The following MRC2 variants were observed in gnomAD, a reference collection of about 807,000 sequenced individuals.
MRC2 encodes the protein C-type mannose receptor 2.
MRC2 carries 84 observed loss-of-function variants against 206.2 expected under a neutral mutation model. The observed-to-expected ratio is 0.41, with a 90% CI of 0.34 to 0.49. MRC2 has a LOEUF of 0.49. MRC2 is among the 20% of genes least tolerant of loss of function. The pLI is 0.31. For missense variants in MRC2, 1,676 were observed against 2,001.5 expected, an observed-to-expected ratio of 0.84 and a Z score of 3.10; for synonymous variants, 798 against 800.0, an observed-to-expected ratio of 1.00 and a Z score of 0.04.
In MRC2 at chr17:62,671,770, C is replaced by T. The variant is rs35060355; in HGVS notation, c.1239C>T (p.Gly413=). 2.3e-5 allele frequency: 37 copies of T among 1,612,630 alleles called. No homozygotes were observed. The highest frequency in any genetic ancestry group is 2.8e-5 in the Non-Finnish European group (33 of 1,179,232). ...AGTCCAAGAAGGCATGTCTACGGGGCGGTGGCGACCTGGTCAGCATCCACA... is the reference window on the plus strand; with the variant it reads ...AGTCCAAGAAGGCATGTCTACGGGGTGGTGGCGACCTGGTCAGCATCCACA... ...WQESKKACLR[G]GGDLVSIHSM... Residue 413 remains glycine (G), a synonymous_variant, in exon 7 of 30, where the codon GGC becomes GGT. Coordinates refer to ENST00000303375, the MANE Select transcript of MRC2 (RefSeq NM_006039.5). The surrounding 1 kb of genome is among the most constrained non-coding windows in gnomAD (Gnocchi z 4.5).
chr17:62,666,486 C>T lies in MRC2; in HGVS notation c.726C>T (p.Asp242=). Residue 242 remains aspartate, a synonymous_variant, in exon 4 of 30, where the codon GAC becomes GAT. Transcript: ENST00000303375. This position sits in a 1 kb window ranked among gnomAD's most constrained non-coding sequence, Gnocchi z 5.0. ...ACTGCGAGACCTTCTGGGACAAGGA[C>T]CAGCTGACTGACAGCTGCTACCAGT... ...SNDCETFWDK[D]QLTDSCYQFN... 1.9e-6 allele frequency: 3 copies of T among 1,614,026 alleles called. No homozygotes were observed. The highest frequency in any genetic ancestry group is 2.2e-5 in the South Asian group (2 of 91,078).
intron 20 of MRC2, among the ~76,000 whole-genome samples, chr17:62,682,931 G>A (rs1221805920): frequency 1.3e-5 from 2 of 151,902 alleles, no homozygotes; most frequent in Admixed American, 6.6e-5. Context: ...GTGAGCCACC[G>A]CGCCCGGCCT....
At chr17:62,676,651 G>GC in intron 11 of MRC2, 120 bp downstream of exon 11, 2 of 1,270,492 alleles carry the variant, frequency 1.6e-6, no homozygotes, top group Non-Finnish European at 1.1e-6. Flanking sequence ...CTGTGGTGTA[G>GC]TGTCTATGAG....
Position 62,671,663 on chromosome 17 carries a change from G to A in MRC2, c.1132G>A (p.Val378Met), listed in dbSNP as rs748766648. Residue 378 changes from valine to methionine, a missense_variant, in exon 7 of 30, where the codon GTG (valine) becomes ATG (methionine). Around this residue, in one of 3 missense-constraint regions of MRC2, gnomAD observed 1,354 missense variants for 1,636.6 expected, o/e 0.83. Coordinates refer to ENST00000303375, the MANE Select transcript of MRC2 (RefSeq NM_006039.5). This position sits in a 1 kb window ranked among gnomAD's most constrained non-coding sequence, Gnocchi z 4.5. ...EPTPPDRWANVKVECEPSWQP... is the reference protein window; with the variant it reads ...EPTPPDRWANMKVECEPSWQP... Reference sequence around the variant, plus strand: ...GGTCTCTGCAGACAGGTGGGCCAATGTGAAGGTGGAGTGCGAGCCGAGCTG... The same window carrying A: ...GGTCTCTGCAGACAGGTGGGCCAATATGAAGGTGGAGTGCGAGCCGAGCTG... 1 of 1,589,406 alleles carries A rather than the reference G, an allele frequency of 6.3e-7. No individual in the cohort carries two copies. The highest frequency in any genetic ancestry group is 8.6e-7 in the Non-Finnish European group (1 of 1,166,398).
chr17:62,635,425 C>T (rs1325655943), intron 1 of MRC2, among the ~76,000 whole-genome samples: 1 of 152,066 alleles, frequency 6.6e-6, no homozygotes, highest in Non-Finnish European at 1.5e-5. Flanking sequence ...ATTTAACCTT[C>T]ATTTAGGGAA....
Position 62,676,408 on chromosome 17 carries a change from C to T in MRC2, c.1711C>T (p.Leu571Phe). The T allele has an allele frequency of 1.2e-6, 2 of 1,614,108 alleles. No individual in the cohort carries two copies. Among genetic ancestry groups the T allele is most frequent in the Non-Finnish European group, 8.5e-7 (1 of 1,179,988 alleles). ...GTTCGAGCAGGCCTTCGTCAGCAGC[C>T]TCATCTACAACTGGGAGGGCGAGTA... Reference protein sequence around the residue: ...NRFEQAFVSSLIYNWEGEYFW... With the variant: ...NRFEQAFVSSFIYNWEGEYFW... Residue 571 changes from leucine to phenylalanine, a missense_variant, in exon 11 of 30, where the codon CTC becomes TTC. Leu to Phe is a conservative substitution (Grantham distance 22, BLOSUM62 0). This residue lies in a region of MRC2 where 1,354 missense variants were observed against 1,636.6 expected (regional missense o/e 0.83). Coordinates refer to ENST00000303375, the MANE Select transcript of MRC2 (RefSeq NM_006039.5).
At chr17:62,649,606 C>A (rs1042356404) in intron 1 of MRC2, among the ~76,000 whole-genome samples, 2 of 152,054 alleles carry the variant, frequency 1.3e-5, no homozygotes, top group Non-Finnish European at 2.9e-5. Flanking sequence ...GAGTGCCGTG[C>A]CTTGCTTTTA....
Position 62,692,595 on chromosome 17 carries a change from A to C in MRC2, c.*144A>C. On this transcript the variant is annotated 3_prime_UTR_variant, in exon 30 of 30. Transcript: ENST00000303375. The surrounding 1 kb of genome is among the most constrained non-coding windows in gnomAD (Gnocchi z 4.2). ...GCTGTTGGGAGCCGGAGCTGGGCAG[A>C]GCCTGGGCTGGTGGGGTGCCACCCT... is the stretch of plus-strand genomic sequence containing the variant. 1 of 841,324 alleles carries C rather than the reference A, an allele frequency of 1.2e-6. No homozygotes were observed. Among genetic ancestry groups the C allele is most frequent in the Admixed American group, 2.7e-5 (1 of 37,364 alleles). 52.1% of individuals were successfully genotyped at this position (841,324 alleles called of 1,614,324 possible). A position where few individuals can be genotyped will look rare whatever the true frequency, so the allele number is the denominator to read the frequency against.
intron 1 of MRC2, among the ~76,000 whole-genome samples, chr17:62,655,169 C>G (rs2147453292): frequency 6.6e-6 from 1 of 151,164 alleles, no homozygotes; most frequent in African/African-American, 2.4e-5. Context: ...GCCTGTAGTC[C>G]CAGCTACTCG....
At position 62,674,070 on chromosome 17, in the gene MRC2, G is replaced by A. The variant is rs967399500; in HGVS notation, c.1469G>A (p.Arg490His). The stretch of plus-strand genomic sequence containing the variant: ...CTCACCCTGTGTCCGTAGGAAGGCC[G>A]CTGGAACGACAGTCCCTGTAACCAG... ...DCVTIWGPEGRWNDSPCNQSL... is the reference protein window; with the variant it reads ...DCVTIWGPEGHWNDSPCNQSL... Residue 490 changes from arginine (R) to histidine (H), a missense_variant, in exon 9 of 30, where the codon CGC becomes CAC. Physicochemically the swap from Arg to His is conservative, Grantham distance 29. Coordinates refer to ENST00000303375, the MANE Select transcript of MRC2 (RefSeq NM_006039.5). 9 of 1,550,774 alleles carry A rather than the reference G, an allele frequency of 5.8e-6. No individual in the cohort carries two copies. Among genetic ancestry groups the A allele is most frequent in the African/African-American group, 4.1e-5 (3 of 72,992 alleles).
At chr17:62,660,781 A>C (rs1266065796) in intron 1 of MRC2, among the ~76,000 whole-genome samples, 2 of 152,200 alleles carry the variant, frequency 1.3e-5, no homozygotes, top group Non-Finnish European at 2.9e-5. Flanking sequence ...TTCAGTATAC[A>C]ACAAAAAAGT....
intron 9 of MRC2, 21 bp downstream of exon 9, chr17:62,674,191 G>T (rs1244673957): frequency 6.6e-7 from 1 of 1,524,242 alleles, no homozygotes. Context: ...TTCTGGAGCT[G>T]CCCTGAGTGG....
intron 1 of MRC2, among the ~76,000 whole-genome samples, chr17:62,638,064 T>C (rs1375994893): frequency 1.3e-5 from 2 of 152,176 alleles, no homozygotes; most frequent in African/African-American, 4.8e-5. Flanking sequence ...GGTCTTCCTA[T>C]GTTGCCCAAG....
rs141301262 is a variant in MRC2 at position 62,631,560 on chromosome 17, C to T, written c.118+3640C>T. On this transcript the variant is annotated intron_variant, in intron 1 of 29. Transcript: ENST00000303375. ...GGAAATTCTGCCTTATGTGTTCTCC[C>T]CGCCCCCATAACTCCAAGCCCTCTA... 2.5e-3 allele frequency among the ~76,000 whole-genome samples: 384 copies of T among 152,182 alleles called. 1 individual carries two copies. The highest frequency in any genetic ancestry group is 8.7e-3 in the African/African-American group (363 of 41,492).
At chr17:62,632,610 C>T (rs894040909) in intron 1 of MRC2, among the ~76,000 whole-genome samples, 16 of 152,296 alleles carry the variant, frequency 1.1e-4, no homozygotes, top group African/African-American at 3.8e-4. Flanking sequence ...TGGTGTGCCT[C>T]CCCTCCCCTC....
chr17:62,630,239 G>T (rs554684234), intron 1 of MRC2, among the ~76,000 whole-genome samples: 9 of 152,308 alleles, frequency 5.9e-5, no homozygotes, highest in Non-Finnish European at 8.8e-5. Flanking sequence ...ATGCCTGCCT[G>T]CCCAGACCCA....
chr17:62,655,737 A>AAT (rs2088611580), intron 1 of MRC2, among the ~76,000 whole-genome samples: 1 of 151,080 alleles, frequency 6.6e-6, no homozygotes, highest in Non-Finnish European at 1.5e-5. Flanking sequence ...AAAAAAAAAA[A>AAT]AGAAAAAGAA....
chr17:62,683,846 T>C (rs2089000989), intron 20 of MRC2: 1 of 151,096 alleles, frequency 6.6e-6, no homozygotes, highest in East Asian at 1.9e-4. Context: ...CCCTGGGTAA[T>C]GGAGTGAGAC....
chr17:62,688,893 C>T lies in MRC2; in HGVS notation c.3267C>T (p.Phe1089=). Reference sequence around the variant, plus strand: ...TCCTGCACAGCCCCTCAGCCCACTTCACTGGCCGCTGGGACGATCGGAGCT... The same window carrying T: ...TCCTGCACAGCCCCTCAGCCCACTTTACTGGCCGCTGGGACGATCGGAGCT... The part of the protein sequence containing the change: ...AVVLHSPSAH[F]TGRWDDRSCT... The change falls in exon 23 of 30, where the codon TTC becomes TTT. Residue 1089 remains phenylalanine (F), a synonymous_variant. Transcript: ENST00000303375. 1 of 1,613,616 alleles carries T rather than the reference C, an allele frequency of 6.2e-7. No homozygotes were observed. Among genetic ancestry groups the T allele is most frequent in the South Asian group, 1.1e-5 (1 of 91,052 alleles).
Sources: allele counts gnomAD v4.1 joint callset (sites outside exome capture counted in the v4.1 genomes callset), GRCh38; gene constraint gnomAD v4.1.1; regional missense constraint gnomAD v4.1.1; non-coding constraint Gnocchi (gnomAD v3.1); transcripts MANE v1.5; gene names NCBI Gene and HGNC (gene_info 2026-07-23, HGNC 2026-07-21).